The following DYNC2I1 variants were observed in gnomAD, a reference collection of about 807,000 sequenced individuals.
DYNC2I1 encodes dynein 2 intermediate chain 1.
Under a neutral mutation model 133.4 loss-of-function variants are expected in DYNC2I1, and 89 were observed. That is an observed-to-expected ratio of 0.67 (90% CI 0.56 to 0.80). The LOEUF (loss-of-function observed/expected upper bound fraction) is 0.80, where lower values mean the gene tolerates loss of function less well. Among genes scored for constraint, DYNC2I1 ranks in the 30% least tolerant of loss-of-function variants. The probability of loss-of-function intolerance (pLI) is 0.00; values close to 1 mark genes in which losing one functional copy is unlikely to be tolerated. For synonymous variants in DYNC2I1, 504 were observed against 484.3 expected (o/e 1.04, Z -0.54); for missense variants, 1,291 against 1,314.5 (o/e 0.98, Z 0.28).
At chr7:158,885,857 G>A (rs1263610773) in intron 6 of DYNC2I1, among the ~76,000 whole-genome samples, 1 of 151,892 alleles carries the variant, frequency 6.6e-6, no homozygotes, top group East Asian at 1.9e-4. Context: ...GCTCAATTCT[G>A]TATTTTTGTT....
upstream of DYNC2I1, among the ~76,000 whole-genome samples, chr7:158,856,225 G>C (rs1295071746): frequency 6.6e-6 from 1 of 151,962 alleles, no homozygotes; most frequent in African/African-American, 2.4e-5. Flanking sequence ...GGATTACAGG[G>C]GTGAGCCACC....
intron 24 of DYNC2I1, among the ~76,000 whole-genome samples, chr7:158,944,771 C>T (rs1563215063): frequency 2.0e-5 from 3 of 152,150 alleles, no homozygotes; most frequent in Non-Finnish European, 4.4e-5. Flanking sequence ...AGTTGGATCT[C>T]AAAGGACAAG....
chr7:158,898,517 T>C (rs1260392919), intron 8 of DYNC2I1, among the ~76,000 whole-genome samples: 2 of 152,160 alleles, frequency 1.3e-5, no homozygotes, highest in Non-Finnish European at 2.9e-5. Flanking sequence ...CTCTTTACTT[T>C]GAAGTGTGCT....
chr7:158,942,417 C>T (rs930430486), intron 24 of DYNC2I1, among the ~76,000 whole-genome samples: 1 of 152,162 alleles, frequency 6.6e-6, no homozygotes, highest in Non-Finnish European at 1.5e-5. Flanking sequence ...CAATCACGGG[C>T]CTGTTCCCAC....
chr7:158,912,325 T>A (rs1847561358), intron 12 of DYNC2I1, among the ~76,000 whole-genome samples: 1 of 152,242 alleles, frequency 6.6e-6, no homozygotes, highest in East Asian at 1.9e-4. Context: ...TCTAACATTT[T>A]TCTTACATTC....
the DYNC2I1 span, among the ~76,000 whole-genome samples, chr7:158,840,285 G>T: frequency 6.6e-6 from 1 of 152,122 alleles, no homozygotes; most frequent in Non-Finnish European, 1.5e-5. Flanking sequence ...AAATGGTTTT[G>T]GCCGGGCTTG....
intron 2 of DYNC2I1, among the ~76,000 whole-genome samples, chr7:158,870,812 T>C (rs187697535): frequency 6.6e-6 from 1 of 152,312 alleles, no homozygotes; most frequent in East Asian, 1.9e-4. Flanking sequence ...GTCACCCGAA[T>C]AGTGAACATT....
chr7:158,915,875 C>T (rs866316408), intron 14 of DYNC2I1, among the ~76,000 whole-genome samples: 544 of 125,602 alleles, frequency 4.3e-3, no homozygotes, highest in Middle Eastern at 0.016. Flanking sequence ...TGTGAAACGT[C>T]GACACGCTGG....
chr7:158,857,505 A>G lies in DYNC2I1; in HGVS notation c.15+755A>G, dbSNP rs548164010. ...TTTATGTGTTGAATAATACTCCTTA[A>G]TTTGTATTTTATGTTATATAAACCT... On this transcript the variant is annotated intron_variant, in intron 1 of 24. Transcript: ENST00000407559. 1.5e-4 allele frequency among the ~76,000 whole-genome samples: 20 copies of G among 133,744 alleles called. 1 individual carries two copies. The East Asian group carries it at 3.9e-3, about 26-fold the overall frequency. 87.7% of individuals were successfully genotyped at this position (133,744 alleles called of 152,430 possible).
intron 5 of DYNC2I1, among the ~76,000 whole-genome samples, chr7:158,883,955 C>T (rs138066846): frequency 0.013 from 1,927 of 150,990 alleles, 41 homozygotes; most frequent in African/African-American, 0.044. Flanking sequence ...TGAGCCACCG[C>T]GCCCGGCCCA....
At chr7:158,884,856 T>C (rs1229580839) in intron 6 of DYNC2I1, among the ~76,000 whole-genome samples, 1 of 152,186 alleles carries the variant, frequency 6.6e-6, no homozygotes, top group Non-Finnish European at 1.5e-5. Context: ...TTAAATTAAT[T>C]ATATTTTAAT....
chr7:158,911,303 C>G (rs1402343774), intron 11 of DYNC2I1, among the ~76,000 whole-genome samples: 1 of 152,028 alleles, frequency 6.6e-6, no homozygotes, highest in Non-Finnish European at 1.5e-5. Context: ...ACATGAGGTT[C>G]GTGACACACA....
intron 11 of DYNC2I1, among the ~76,000 whole-genome samples, chr7:158,911,016 C>T (rs1311956212): frequency 6.9e-6 from 1 of 145,472 alleles, no homozygotes; most frequent in Non-Finnish European, 1.5e-5. Flanking sequence ...GCCCGTGGGC[C>T]GAGGGCGATT....
chr7:158,939,808 G>A (rs966142755), intron 23 of DYNC2I1, among the ~76,000 whole-genome samples: 1 of 152,298 alleles, frequency 6.6e-6, no homozygotes, highest in Non-Finnish European at 1.5e-5. Context: ...AGAAGAGCAA[G>A]AGTGGCTATA....
chr7:158,946,460 C>T (rs1011288200), downstream of DYNC2I1, among the ~76,000 whole-genome samples: 1 of 152,250 alleles, frequency 6.6e-6, no homozygotes, highest in African/African-American at 2.4e-5. Flanking sequence ...AATTCAGCAT[C>T]AAGGCGCCCC....
At chr7:158,952,517 T>A (rs1424224734) in intron 4 of DYNC2I1, among the ~76,000 whole-genome samples, 1 of 152,116 alleles carries the variant, frequency 6.6e-6, no homozygotes, top group African/African-American at 2.4e-5. Flanking sequence ...GTGGTTTTGG[T>A]GGGCTCTTTA....
the DYNC2I1 span, among the ~76,000 whole-genome samples, chr7:158,840,819 C>T: frequency 1.2e-4 from 19 of 152,156 alleles, no homozygotes; most frequent in African/African-American, 4.6e-4. Context: ...TCCAGGACGA[C>T]AAGAGCCTGT....
At chr7:158,864,800 C>A (rs1842255171) in intron 1 of DYNC2I1, among the ~76,000 whole-genome samples, 1 of 152,198 alleles carries the variant, frequency 6.6e-6, no homozygotes, top group South Asian at 2.1e-4. Flanking sequence ...GCCACCATGC[C>A]TGGCTCAAAA....
downstream of DYNC2I1, among the ~76,000 whole-genome samples, chr7:158,958,529 C>T (rs1852257719): frequency 2.0e-5 from 3 of 152,236 alleles, no homozygotes; most frequent in African/African-American, 7.2e-5. Flanking sequence ...GGTATCTTGG[C>T]TTCACACACT....
Sources: gnomAD v4.1 joint callset for allele counts (sites outside exome capture counted in the v4.1 genomes callset) on GRCh38, gnomAD v4.1.1 for gene constraint, MANE v1.5 for transcripts, NCBI Gene and HGNC (gene_info 2026-07-23, HGNC 2026-07-21) for gene names.